Variants in MEF2D observed in about 807,000 individuals in gnomAD.
MEF2D encodes myocyte enhancer factor 2D.
MEF2D carries 10 observed loss-of-function variants against 59.3 expected under a neutral mutation model. The observed-to-expected ratio is 0.17, with a 90% CI of 0.10 to 0.29. MEF2D has a LOEUF of 0.29. Ranked by LOEUF, MEF2D falls within the 10% of genes least tolerant of loss-of-function variation. The pLI, the probability that MEF2D is intolerant of heterozygous loss-of-function variation, is 1.00. For synonymous variants in MEF2D, 305 were observed against 295.0 expected (o/e 1.03, Z -0.35); for missense variants, 508 against 699.4 (o/e 0.73, Z 3.09).
At chr1:156,493,200 T>C (rs1441982669) in intron 1 of MEF2D, among the ~76,000 whole-genome samples, 1 of 152,036 alleles carries the variant, frequency 6.6e-6, no homozygotes, top group Non-Finnish European at 1.5e-5. Context: ...GTCCAAGGCC[T>C]GGGCCCTCAG....
rs1023745385 is a variant in MEF2D at position 156,476,534 on chromosome 1, C to G, written c.856-20G>C. 17 of 1,610,010 alleles carry G rather than the reference C, an allele frequency of 1.1e-5. No homozygotes were observed. The African/African-American group carries it at 1.7e-4, about 16-fold the overall frequency. On this transcript the variant is annotated intron_variant, in intron 7 of 11. Coordinates refer to ENST00000348159, the MANE Select transcript of MEF2D (RefSeq NM_005920.4). ...CTCAGTCTGAGAGCAGAAATAAAAC[C>G]AAGGGGATGTTCAGTCTCTGGCCGC... is the stretch of plus-strand genomic sequence containing the variant.
Position 156,471,866 on chromosome 1 carries a change from T to C in MEF2D, c.1007-2846A>G, listed in dbSNP as rs551158107. Among the ~76,000 whole-genome samples, 7 of 152,346 alleles carry C rather than the reference T, an allele frequency of 4.6e-5. No homozygotes were observed. The South Asian group carries it at 1.2e-3, about 27-fold the overall frequency. Reference sequence around the variant, plus strand: ...AAACTGAGATCTGCTTAGCTGCTCCTGTAACAAGAGGAAAGGGAGCCTGTG... The same window carrying C: ...AAACTGAGATCTGCTTAGCTGCTCCCGTAACAAGAGGAAAGGGAGCCTGTG... On this transcript the variant is annotated intron_variant, in intron 9 of 11. Coordinates refer to ENST00000348159, the MANE Select transcript of MEF2D (RefSeq NM_005920.4).
chr1:156,476,159 C>A (rs2102055769), intron 8 of MEF2D, among the ~76,000 whole-genome samples: 1 of 152,328 alleles, frequency 6.6e-6, no homozygotes, highest in South Asian at 2.1e-4. Context: ...AGGGCCTAGT[C>A]CAGGCATCAG....
intron 1 of MEF2D, among the ~76,000 whole-genome samples, chr1:156,498,477 T>C (rs1673273343): frequency 6.6e-6 from 1 of 152,098 alleles, no homozygotes; most frequent in Non-Finnish European, 1.5e-5. Flanking sequence ...TACTATGAAG[T>C]TGTGCCTAAA....
intron 7 of MEF2D, among the ~76,000 whole-genome samples, chr1:156,476,778 T>TTC (rs1671633860): frequency 6.6e-6 from 1 of 151,956 alleles, no homozygotes. Flanking sequence ...TCCCCACCAC[T>TTC]TCTCTCTCAC....
chr1:156,468,858 TGTG>T lies in MEF2D; in HGVS notation c.1166_1168del (p.Pro389del), dbSNP rs774237128. 6.2e-7 allele frequency: 1 copy of T among 1,608,238 alleles called. No individual in the cohort carries two copies. The highest frequency in any genetic ancestry group is 1.1e-5 in the South Asian group (1 of 91,052). The stretch of plus-strand genomic sequence containing the variant: ...TTGCGGCTGCTGAGGCTGCTGTGGC[TGTG>T]GCTGCTGTGGCTGCGGTGGCTGCTG... On this transcript the variant is annotated inframe_deletion, in exon 10 of 12. Transcript: ENST00000348159. This position sits in a 1 kb window ranked among gnomAD's most constrained non-coding sequence, Gnocchi z 4.3.
chr1:156,484,665 A>C (rs1672232851), intron 1 of MEF2D, among the ~76,000 whole-genome samples: 1 of 152,214 alleles, frequency 6.6e-6, no homozygotes, highest in Non-Finnish European at 1.5e-5. Context: ...CTGCTGTCTC[A>C]GGACACCTGT....
At chr1:156,471,332 C>T (rs1427382324) in intron 9 of MEF2D, among the ~76,000 whole-genome samples, 3 of 152,132 alleles carry the variant, frequency 2.0e-5, no homozygotes, top group African/African-American at 7.2e-5. Flanking sequence ...GGTTTTACCA[C>T]GTTGGTCAGG....
Position 156,479,802 on chromosome 1 carries a change from C to A in MEF2D, c.397-6G>T. The A allele has an allele frequency of 9.7e-6, 15 of 1,551,354 alleles. No homozygotes were observed. Among genetic ancestry groups the A allele is most frequent in the Non-Finnish European group, 1.3e-5 (15 of 1,146,866 alleles). On this transcript the variant is annotated splice_polypyrimidine_tract_variant and splice_region_variant and intron_variant, in intron 4 of 11. Transcript: ENST00000348159. ...TTGGGGGCCGGGACAGTTGACTAGA[C>A]AGAAAGATGGAGGGGCAGGATCAGG...
Position 156,475,235 on chromosome 1 carries a change from G to A in MEF2D, c.879C>T (p.Asn293=). The change falls in exon 9 of 12, where the codon AAC becomes AAT. Residue 293 remains asparagine, a splice_region_variant and synonymous_variant. Transcript: ENST00000348159. ...HHLTEDHLDL[N]NAQRLGVSQS... Reference sequence around the variant, plus strand: ...GGGAGACCCCAAGGCGCTGGGCATTGTTCTGTAGGAGAAAACTGTCCGTCA... The same window carrying A: ...GGGAGACCCCAAGGCGCTGGGCATTATTCTGTAGGAGAAAACTGTCCGTCA... 6.2e-7 allele frequency: 1 copy of A among 1,604,544 alleles called. No individual in the cohort carries two copies. Among genetic ancestry groups the A allele is most frequent in the Non-Finnish European group, 8.5e-7 (1 of 1,175,124 alleles).
rs188748273 is a variant in MEF2D, at chr1:156,489,946, G to T, written c.-138-6516C>A. ...CATTCTCTCTTCCAACTTCAGCCCT[G>T]GGACCTCCTCCCTAGTACAGAGACA... On this transcript the variant is annotated intron_variant, in intron 1 of 11. Transcript: ENST00000348159. 3.6e-4 allele frequency among the ~76,000 whole-genome samples: 55 copies of T among 152,256 alleles called. No homozygotes were observed. In the East Asian group the frequency reaches 9.5e-3, roughly 26 times the overall value.
intron 9 of MEF2D, among the ~76,000 whole-genome samples, chr1:156,471,160 A>G (rs1160689421): frequency 1.3e-5 from 2 of 151,916 alleles, no homozygotes; most frequent in African/African-American, 4.8e-5. Flanking sequence ...GGTTCAAGCA[A>G]TTCTCCTGCC....
chr1:156,480,605 TGCACCACAGGGAG>T, intron 4 of MEF2D: 1 of 1,523,952 alleles, frequency 6.6e-7, no homozygotes, highest in African/African-American at 1.4e-5. Context: ...AGCCACACCA[TGCACCACAGGGAG>T]GCTCTGCTCC....
chr1:156,468,143 A>G lies in MEF2D; in HGVS notation c.1404T>C (p.Asp468=). ...ATCCCCCGGCTGGGCTGCTGAGACC[A>G]TCGCCAGGCTCAGGGCGGGCAGCTG... is the stretch of plus-strand genomic sequence containing the variant. ...VFPAARPEPG[D]GLSSPAGGSY... The change falls in exon 11 of 12, where the codon GAT becomes GAC. Residue 468 remains aspartate, a synonymous_variant. Coordinates refer to ENST00000348159, the MANE Select transcript of MEF2D (RefSeq NM_005920.4). The surrounding 1 kb of genome is among the most constrained non-coding windows in gnomAD (Gnocchi z 4.3). 6.2e-7 allele frequency: 1 copy of G among 1,613,878 alleles called. No individual in the cohort carries two copies. The highest frequency in any genetic ancestry group is 8.5e-7 in the Non-Finnish European group (1 of 1,179,854).
intron 1 of MEF2D, among the ~76,000 whole-genome samples, chr1:156,485,431 C>A (rs994883380): frequency 6.6e-6 from 1 of 151,614 alleles, no homozygotes; most frequent in Non-Finnish European, 1.5e-5. Context: ...CCCAGCCTAG[C>A]TGGAGAGCTT....
In MEF2D at chr1:156,465,159, C is replaced by T. The variant is rs1208959173; in HGVS notation, c.*2486G>A. 1 of 152,340 alleles carries T rather than the reference C, an allele frequency of 6.6e-6. No homozygotes were observed. The highest frequency in any genetic ancestry group is 3.2e-3 in the Middle Eastern group (1 of 316). 9.4% of individuals were successfully genotyped at this position (152,340 alleles called of 1,614,324 possible). A position where few individuals can be genotyped will look rare whatever the true frequency, so the allele number is the denominator to read the frequency against. ...GAAGGCTGGACGTGCTGTCCCCACC[C>T]AGTCAGCGGATTGGGGTTAAGAGTG... On this transcript the variant is annotated 3_prime_UTR_variant, in exon 12 of 12. Transcript: ENST00000348159.
rs929743239 is a variant in MEF2D at position 156,466,228 on chromosome 1, C to T, written c.*1417G>A. 6.6e-6 allele frequency: 1 copy of T among 152,516 alleles called. No homozygotes were observed. The highest frequency in any genetic ancestry group is 6.5e-5 in the Admixed American group (1 of 15,282). 9.4% of individuals were successfully genotyped at this position (152,516 alleles called of 1,614,324 possible). On this transcript the variant is annotated 3_prime_UTR_variant, in exon 12 of 12. Transcript: ENST00000348159. Reference sequence around the variant, plus strand: ...AAGAATCTCGTCTGTACAGTACGGGCCGTTTGAGTCATTATTATTACAATA... The same window carrying T: ...AAGAATCTCGTCTGTACAGTACGGGTCGTTTGAGTCATTATTATTACAATA...
chr1:156,499,574 A>G (rs1673353148), intron 1 of MEF2D: 1 of 152,120 alleles, frequency 6.6e-6, no homozygotes, highest in African/African-American at 2.4e-5. Flanking sequence ...GTAGGAGAGA[A>G]GCTGGCATTG....
intron 9 of MEF2D, among the ~76,000 whole-genome samples, chr1:156,474,158 CTTTTT>C (rs1671417595): frequency 6.6e-6 from 1 of 152,170 alleles, no homozygotes; most frequent in Non-Finnish European, 1.5e-5. Flanking sequence ...CCATTAAGTA[CTTTTT>C]AAAAAATAAA....
Sources: gnomAD v4.1 joint callset for allele counts (sites outside exome capture counted in the v4.1 genomes callset) on GRCh38, gnomAD v4.1.1 for gene constraint, Gnocchi (gnomAD v3.1) non-coding constraint, MANE v1.5 for transcripts, NCBI Gene and HGNC (gene_info 2026-07-23, HGNC 2026-07-21) for gene names.